Variants in RNGTT observed in about 807,000 individuals in gnomAD.
RNGTT encodes the protein RNA guanylyltransferase and 5'-phosphatase, also known as mRNA-capping enzyme.
Under a neutral mutation model 79.3 loss-of-function variants are expected in RNGTT, and 33 were observed. That is an observed-to-expected ratio of 0.42 (90% CI 0.32 to 0.56). The LOEUF is 0.56. Among genes scored for constraint, RNGTT ranks in the 20% least tolerant of loss-of-function variants. The pLI is 0.17. For synonymous variants in RNGTT, 222 were observed against 235.9 expected, an observed-to-expected ratio of 0.94 and a Z score of 0.54; for missense variants, 497 against 739.1, an observed-to-expected ratio of 0.67 and a Z score of 3.80.
At chr6:88,629,389 G>T (rs2127768619) in intron 14 of RNGTT, among the ~76,000 whole-genome samples, 1 of 152,274 alleles carries the variant, frequency 6.6e-6, no homozygotes, top group East Asian at 1.9e-4. Context: ...TAAAATACGT[G>T]CTATTATCTA....
At chr6:88,941,230 T>A (rs745964227) in intron 1 of RNGTT, 50 bp from the exon 2 acceptor site, 5 of 1,228,216 alleles carry the variant, frequency 4.1e-6, no homozygotes, top group Non-Finnish European at 5.9e-6. Flanking sequence ...ATGTTTCAGA[T>A]TAAAATTCTA....
At chr6:88,936,724 C>T (rs570486967) in intron 2 of RNGTT, among the ~76,000 whole-genome samples, 11 of 152,096 alleles carry the variant, frequency 7.2e-5, no homozygotes, top group African/African-American at 2.4e-4. Flanking sequence ...AGATACTGGC[C>T]TGTTTTCTCT....
intron 11 of RNGTT, among the ~76,000 whole-genome samples, chr6:88,815,515 CA>C (rs1248006717): frequency 1.3e-5 from 2 of 152,196 alleles, no homozygotes; most frequent in East Asian, 3.8e-4. Context: ...TAGGGACCCC[CA>C]AACTTGAGGC....
chr6:88,717,258 C>T (rs75381139), intron 13 of RNGTT, among the ~76,000 whole-genome samples: 6,131 of 152,264 alleles, frequency 0.04, 187 homozygotes, highest in Middle Eastern at 0.061. Flanking sequence ...TTTTATCTTT[C>T]CTCCTCTAAA....
intron 13 of RNGTT, among the ~76,000 whole-genome samples, chr6:88,694,974 T>C (rs1376203262): frequency 6.6e-6 from 1 of 152,120 alleles, no homozygotes; most frequent in African/African-American, 2.4e-5. Context: ...TTTGTGTTCA[T>C]TATAAATTGC....
At chr6:88,785,786 A>T (rs1779210773) in intron 12 of RNGTT, among the ~76,000 whole-genome samples, 1 of 152,184 alleles carries the variant, frequency 6.6e-6, no homozygotes, top group African/African-American at 2.4e-5. Context: ...TTCATTTTAC[A>T]ATCTATCCAT....
chr6:88,689,177 C>T (rs9362540), intron 13 of RNGTT, among the ~76,000 whole-genome samples: 17,356 of 152,128 alleles, frequency 0.11, 1,112 homozygotes, highest in Middle Eastern at 0.23. Context: ...TGTGGTGGCT[C>T]ACATCTATAA....
At chr6:88,631,567 C>T (rs948603668) in intron 14 of RNGTT, among the ~76,000 whole-genome samples, 2 of 152,200 alleles carry the variant, frequency 1.3e-5, no homozygotes, top group African/African-American at 4.8e-5. Flanking sequence ...TCATGACTTC[C>T]TCGCTTTTGT....
chr6:88,632,918 C>A (rs985175930), intron 14 of RNGTT, among the ~76,000 whole-genome samples: 1 of 152,180 alleles, frequency 6.6e-6, no homozygotes, highest in African/African-American at 2.4e-5. Context: ...TCCTTTCCCA[C>A]ATATTGTCTC....
intron 12 of RNGTT, among the ~76,000 whole-genome samples, chr6:88,788,228 G>A (rs1355268927): frequency 6.6e-6 from 1 of 152,156 alleles, no homozygotes; most frequent in Admixed American, 6.5e-5. Context: ...CATAGGTATG[G>A]ATGAGACTAC....
intron 14 of RNGTT, among the ~76,000 whole-genome samples, chr6:88,647,646 A>G (rs1439792657): frequency 6.9e-6 from 1 of 145,352 alleles, no homozygotes; most frequent in African/African-American, 2.6e-5. Context: ...TGAAAGTTTG[A>G]GGCTGCAGTG....
intron 14 of RNGTT, among the ~76,000 whole-genome samples, chr6:88,646,493 G>A (rs1407702647): frequency 6.6e-6 from 1 of 152,176 alleles, no homozygotes; most frequent in African/African-American, 2.4e-5. Context: ...CCATTACTGG[G>A]TATATACCCA....
intron 4 of RNGTT, among the ~76,000 whole-genome samples, chr6:88,916,905 T>G (rs538301406): frequency 6.6e-6 from 1 of 152,354 alleles, no homozygotes; most frequent in African/African-American, 2.4e-5. Flanking sequence ...GTCCTAACTA[T>G]AAATCCTGCC....
At chr6:88,875,278 A>T (rs1366898105) in intron 8 of RNGTT, among the ~76,000 whole-genome samples, 3 of 152,138 alleles carry the variant, frequency 2.0e-5, no homozygotes, top group Non-Finnish European at 4.4e-5. Context: ...AAGTAAGGAA[A>T]GAAAACAGCA....
At chr6:88,646,188 T>C (rs543212994) in intron 14 of RNGTT, among the ~76,000 whole-genome samples, 12 of 152,202 alleles carry the variant, frequency 7.9e-5, no homozygotes, top group Non-Finnish European at 1.2e-4. Flanking sequence ...GGGCAAAGGA[T>C]ATGAACAGAC....
intron 14 of RNGTT, among the ~76,000 whole-genome samples, chr6:88,671,009 G>A (rs926956045): frequency 2.6e-5 from 4 of 152,246 alleles, no homozygotes; most frequent in Middle Eastern, 3.4e-3. Flanking sequence ...ACTGAACAGG[G>A]AAAAGTTGAA....
chr6:88,765,837 T>C (rs1778441563), intron 13 of RNGTT, among the ~76,000 whole-genome samples: 1 of 152,202 alleles, frequency 6.6e-6, no homozygotes, highest in African/African-American at 2.4e-5. Context: ...GACTTTGCTG[T>C]GCTCTTGCTC....
chr6:88,784,527 T>C (rs1320697410), intron 12 of RNGTT, among the ~76,000 whole-genome samples: 1 of 151,996 alleles, frequency 6.6e-6, no homozygotes, highest in African/African-American at 2.4e-5. Context: ...GCAGAAGAAA[T>C]AGCATGTATA....
At chr6:88,627,196 T>C (rs925808024) in intron 14 of RNGTT, among the ~76,000 whole-genome samples, 4 of 152,152 alleles carry the variant, frequency 2.6e-5, no homozygotes, top group East Asian at 3.8e-4. Context: ...ATTTTTCACA[T>C]TGAATTTAAT....
Sources: allele counts gnomAD v4.1 joint callset (sites outside exome capture counted in the v4.1 genomes callset), GRCh38; gene constraint gnomAD v4.1.1; transcripts MANE v1.5; gene names NCBI Gene and HGNC (gene_info 2026-07-23, HGNC 2026-07-21).